The following CALD1 variants were observed in gnomAD, a reference collection of about 807,000 sequenced individuals.
CALD1 encodes the protein caldesmon 1.
In CALD1, 33 loss-of-function variants were observed where a neutral mutation model predicts 99.9. The observed-to-expected ratio is 0.33, with a 90% confidence interval of 0.25 to 0.44. CALD1 has a LOEUF of 0.44. Among genes scored for constraint, CALD1 ranks in the 20% least tolerant of loss-of-function variants. The pLI is 1.00. For missense variants in CALD1, 861 were observed against 962.1 expected (o/e 0.89, Z 1.39); for synonymous variants, 310 against 325.0 (o/e 0.95, Z 0.50).
chr7:134,809,160 G>T (rs1242799297), intron 1 of CALD1, among the ~76,000 whole-genome samples: 1 of 152,194 alleles, frequency 6.6e-6, no homozygotes, highest in Non-Finnish European at 1.5e-5. Context: ...GAGAGACACT[G>T]TAGTACAATA....
chr7:134,953,563 C>T (rs1343545592), intron 9 of CALD1, among the ~76,000 whole-genome samples: 1 of 150,196 alleles, frequency 6.7e-6, no homozygotes, highest in Non-Finnish European at 1.5e-5. Flanking sequence ...TTCTCTCTTT[C>T]TACCTTCTTT....
At chr7:134,799,885 G>T (rs1474089273) in intron 1 of CALD1, among the ~76,000 whole-genome samples, 1 of 152,028 alleles carries the variant, frequency 6.6e-6, no homozygotes, top group African/African-American at 2.4e-5. Context: ...GAAAAACAAG[G>T]AAATTTTCAT....
intron 3 of CALD1, chr7:134,927,946 T>C: frequency 6.7e-6 from 1 of 148,700 alleles, no homozygotes; most frequent in Non-Finnish European, 1.5e-5. Flanking sequence ...TATTATAATA[T>C]AATATTTATT....
Position 134,925,109 on chromosome 7 carries a change from A to G in CALD1, c.72-3645A>G, listed in dbSNP as rs117151050. Among the ~76,000 whole-genome samples the G allele has an allele frequency of 4.6e-3, 697 of 152,310 alleles. 6 individuals carry two copies. Among genetic ancestry groups the G allele is most frequent in the South Asian group, 0.018 (86 of 4,826 alleles). ...GACTAATACACTCTAGTAGCTGTGT[A>G]TCCTAGAAAATGGGCTCCCAATGGA... is the stretch of plus-strand genomic sequence containing the variant. On this transcript the variant is annotated intron_variant, in intron 3 of 14. Coordinates refer to ENST00000361675, the MANE Select transcript of CALD1 (RefSeq NM_033138.4).
At chr7:134,721,725 A>G in the CALD1 span, among the ~76,000 whole-genome samples, 9 of 152,138 alleles carry the variant, frequency 5.9e-5, no homozygotes, top group Admixed American at 3.3e-4. Flanking sequence ...CTCCATCTCC[A>G]TCAATGGAGA....
intron 3 of CALD1, among the ~76,000 whole-genome samples, chr7:134,884,589 A>AT (rs1342610782): frequency 2.5e-4 from 37 of 149,260 alleles, no homozygotes; most frequent in African/African-American, 9.1e-4. Flanking sequence ...TCGATTCTGG[A>AT]CCTCCCAAGA....
chr7:134,751,805 A>G (rs1369109670), intron 1 of CALD1, among the ~76,000 whole-genome samples: 1 of 152,024 alleles, frequency 6.6e-6, no homozygotes, highest in African/African-American at 2.4e-5. Context: ...GCGAAACCCT[A>G]TCTCTACCAA....
intron 4 of CALD1, 52 bp from the exon 5 acceptor site, chr7:134,932,936 C>A: frequency 9.3e-6 from 12 of 1,287,186 alleles, no homozygotes; most frequent in Non-Finnish European, 1.3e-5. Flanking sequence ...ATGAATGCTG[C>A]TGACTGATGA....
chr7:134,924,696 A>G (rs1444884760), intron 3 of CALD1, among the ~76,000 whole-genome samples: 1 of 152,212 alleles, frequency 6.6e-6, no homozygotes, highest in East Asian at 1.9e-4. Flanking sequence ...TAGTCATAAA[A>G]AGATCCATAG....
At chr7:134,925,915 G>T (rs1326223351) in intron 3 of CALD1, among the ~76,000 whole-genome samples, 1 of 152,156 alleles carries the variant, frequency 6.6e-6, no homozygotes, top group Non-Finnish European at 1.5e-5. Context: ...CTTCCTGTTT[G>T]ATTAGTTTAG....
At chr7:134,863,388 C>T (rs756031282) in intron 2 of CALD1, among the ~76,000 whole-genome samples, 17 of 152,304 alleles carry the variant, frequency 1.1e-4, no homozygotes, top group Admixed American at 5.9e-4. Flanking sequence ...TCTTGCATTC[C>T]AAGATCAATA....
intron 3 of CALD1, among the ~76,000 whole-genome samples, chr7:134,879,472 C>A (rs1381943099): frequency 6.6e-6 from 1 of 152,160 alleles, no homozygotes; most frequent in East Asian, 1.9e-4. Flanking sequence ...TAGTAAAGTA[C>A]AACTTTGAAT....
intron 1 of CALD1, among the ~76,000 whole-genome samples, chr7:134,818,519 T>C (rs896045364): frequency 1.1e-4 from 17 of 152,198 alleles, no homozygotes; most frequent in Non-Finnish European, 1.2e-4. Context: ...TGTCAATTAT[T>C]TAATCAGAAG....
chr7:134,835,019 C>T (rs1024648953), intron 1 of CALD1, among the ~76,000 whole-genome samples: 2 of 152,194 alleles, frequency 1.3e-5, no homozygotes, highest in African/African-American at 4.8e-5. Context: ...TGATATTTTA[C>T]CAGTTTTCTA....
intron 6 of CALD1, 70 bp downstream of exon 6, chr7:134,935,835 G>A (rs1168701562): frequency 6.8e-7 from 1 of 1,461,500 alleles, no homozygotes. Flanking sequence ...GATATCTCAG[G>A]TCTGATGATC....
At chr7:134,825,508 T>A (rs1473254298) in intron 1 of CALD1, among the ~76,000 whole-genome samples, 1 of 152,132 alleles carries the variant, frequency 6.6e-6, no homozygotes, top group Admixed American at 6.5e-5. Flanking sequence ...CATTTTAAAA[T>A]TCTCTATATA....
intron 6 of CALD1, among the ~76,000 whole-genome samples, chr7:134,936,078 G>T (rs1323148711): frequency 2.0e-5 from 3 of 152,074 alleles, no homozygotes; most frequent in Non-Finnish European, 2.9e-5. Flanking sequence ...AAACACTGCT[G>T]GAATCAATTT....
intron 3 of CALD1, among the ~76,000 whole-genome samples, chr7:134,892,507 T>C (rs1802275375): frequency 6.6e-6 from 1 of 152,216 alleles, no homozygotes; most frequent in Non-Finnish European, 1.5e-5. Flanking sequence ...TTGGCACCGA[T>C]TCAGCATGAC....
chr7:134,745,977 C>T (rs1008116146), intron 1 of CALD1, among the ~76,000 whole-genome samples: 3 of 152,020 alleles, frequency 2.0e-5, no homozygotes, highest in Non-Finnish European at 2.9e-5. Context: ...TTGTGTGGGT[C>T]GATAAAGCCA....
Sources: allele counts gnomAD v4.1 joint callset (sites outside exome capture counted in the v4.1 genomes callset), GRCh38; gene constraint gnomAD v4.1.1; transcripts MANE v1.5; gene names NCBI Gene and HGNC (gene_info 2026-07-23, HGNC 2026-07-21).